TMEM132B: variants seen among roughly 807,000 people sequenced by gnomAD.
TMEM132B encodes transmembrane protein 132B.
A neutral mutation model predicts 90.8 loss-of-function variants in TMEM132B; 18 were observed. The observed-to-expected ratio is 0.20, with a 90% CI of 0.14 to 0.29. The LOEUF (loss-of-function observed/expected upper bound fraction) is 0.29. Ranked by LOEUF, TMEM132B falls within the 10% of genes least tolerant of loss-of-function variation. The pLI is 1.00. For synonymous variants in TMEM132B, 504 were observed against 523.3 expected, an observed-to-expected ratio of 0.96 and a Z score of 0.50; for missense variants, 1,096 against 1,326.8, an observed-to-expected ratio of 0.83 and a Z score of 2.70.
At chr12:125,508,576 C>A (rs1227783174) in intron 3 of TMEM132B, among the ~76,000 whole-genome samples, 1 of 152,014 alleles carries the variant, frequency 6.6e-6, no homozygotes, top group Non-Finnish European at 1.5e-5. Context: ...TGGCATGACT[C>A]CAGGACCATG....
chr12:125,427,652 C>T lies in TMEM132B; in HGVS notation c.1106+11975C>T, dbSNP rs548241431. Reference sequence around the variant, plus strand: ...GATTCCTGATTTCAGTTACATTGCTCGAGGTTACAGGATGCTGGGCCTTAA... The same window carrying T: ...GATTCCTGATTTCAGTTACATTGCTTGAGGTTACAGGATGCTGGGCCTTAA... On this transcript the variant is annotated intron_variant, in intron 3 of 8. Transcript: ENST00000682704. Among the ~76,000 whole-genome samples, 6 of 152,276 alleles carry T rather than the reference C, an allele frequency of 3.9e-5. No individual in the cohort carries two copies. The South Asian group carries it at 1.2e-3, about 32-fold the overall frequency.
chr12:125,416,435 C>T (rs544400466), intron 3 of TMEM132B, among the ~76,000 whole-genome samples: 28 of 152,370 alleles, frequency 1.8e-4, no homozygotes, highest in Admixed American at 1.6e-3. Flanking sequence ...CTCAGCTGAG[C>T]ACACGAGCCC....
intron 1 of TMEM132B, among the ~76,000 whole-genome samples, chr12:125,220,161 C>T (rs145273810): frequency 7.1e-4 from 108 of 152,312 alleles, no homozygotes; most frequent in African/African-American, 2.4e-3. Context: ...TTATTTTCTC[C>T]ACTTTTCTTA....
At position 125,650,593 on chromosome 12, in the gene TMEM132B, C is replaced by T. The variant is rs950262843; in HGVS notation, c.1644-90C>T. On this transcript the variant is annotated intron_variant, in intron 6 of 8. Transcript: ENST00000682704. ...AGGAGAAGGACCATTTCATTTCATT[C>T]TGTGGGCTCACCTAGAATCTGAAAA... 3 of 1,473,396 alleles carry T rather than the reference C, an allele frequency of 2.0e-6. No individual in the cohort carries two copies. The African/African-American group carries it at 4.2e-5, about 21-fold the overall frequency. The allele number at this position is 1,473,396 out of a possible 1,614,324, so 91.3% of individuals were successfully genotyped here.
intron 1 of TMEM132B, among the ~76,000 whole-genome samples, chr12:125,273,992 C>T (rs539630167): frequency 3.9e-5 from 6 of 152,162 alleles, no homozygotes; most frequent in Non-Finnish European, 7.4e-5. Flanking sequence ...GCCCTCTGTG[C>T]TCTTCCCCAG....
At chr12:125,574,523 C>T (rs1884887208) in intron 4 of TMEM132B, among the ~76,000 whole-genome samples, 1 of 152,076 alleles carries the variant, frequency 6.6e-6, no homozygotes, top group Non-Finnish European at 1.5e-5. Context: ...TAAGATTCAA[C>T]TGACTCTACG....
chr12:125,630,756 T>G (rs1440802509), intron 5 of TMEM132B, among the ~76,000 whole-genome samples: 1 of 151,970 alleles, frequency 6.6e-6, no homozygotes, highest in Admixed American at 6.6e-5. Context: ...CCATCCTCAA[T>G]TAGGCCCCAC....
At chr12:125,335,426 A>T (rs935423277) in intron 1 of TMEM132B, among the ~76,000 whole-genome samples, 1 of 152,144 alleles carries the variant, frequency 6.6e-6, no homozygotes, top group Non-Finnish European at 1.5e-5. Context: ...GGGGCACATG[A>T]CCCTGGCTGA....
chr12:125,621,949 G>A (rs1345160474), intron 5 of TMEM132B, among the ~76,000 whole-genome samples: 1 of 152,164 alleles, frequency 6.6e-6, no homozygotes, highest in Non-Finnish European at 1.5e-5. Context: ...TAACTTAGAT[G>A]CCAATATTGT....
intron 4 of TMEM132B, among the ~76,000 whole-genome samples, chr12:125,562,785 T>C (rs910434594): frequency 4.6e-5 from 7 of 152,188 alleles, no homozygotes; most frequent in African/African-American, 1.2e-4. Flanking sequence ...ATTTTCCCTC[T>C]TTTCCTGCTG....
chr12:125,635,608 G>A (rs1250197391), intron 5 of TMEM132B, among the ~76,000 whole-genome samples: 1 of 152,200 alleles, frequency 6.6e-6, no homozygotes, highest in Non-Finnish European at 1.5e-5. Flanking sequence ...ACACAGGTGT[G>A]CATGTGTCTT....
intron 5 of TMEM132B, among the ~76,000 whole-genome samples, chr12:125,611,393 G>T (rs750155742): frequency 1.3e-4 from 20 of 151,170 alleles, no homozygotes; most frequent in Non-Finnish European, 2.5e-4. Flanking sequence ...TTTTTTCTAT[G>T]ATATATTTCA....
At chr12:125,643,241 C>T (rs1886676073) in intron 5 of TMEM132B, among the ~76,000 whole-genome samples, 1 of 152,190 alleles carries the variant, frequency 6.6e-6, no homozygotes, top group African/African-American at 2.4e-5. Flanking sequence ...TGACACTGCC[C>T]CTCAGCAGTA....
intron 1 of TMEM132B, among the ~76,000 whole-genome samples, chr12:125,225,676 G>A (rs1302646404): frequency 6.6e-5 from 10 of 152,152 alleles, no homozygotes; most frequent in Non-Finnish European, 1.0e-4. Context: ...TCCACATGGG[G>A]ACTCAGGGTT....
chr12:125,394,994 A>G (rs1206483079), intron 2 of TMEM132B, among the ~76,000 whole-genome samples: 1 of 152,204 alleles, frequency 6.6e-6, no homozygotes, highest in Non-Finnish European at 1.5e-5. Context: ...CCATTATGCA[A>G]TGTACCCATG....
intron 2 of TMEM132B, among the ~76,000 whole-genome samples, chr12:125,356,693 C>T (rs745406622): frequency 1.9e-4 from 29 of 152,324 alleles, no homozygotes; most frequent in Non-Finnish European, 3.2e-4. Context: ...AGGCTCAGGC[C>T]GCCATGTTGC....
At chr12:125,489,805 TTTCCA>T (rs568585283) in intron 3 of TMEM132B, among the ~76,000 whole-genome samples, 69 of 152,312 alleles carry the variant, frequency 4.5e-4, no homozygotes, top group African/African-American at 1.5e-3. Flanking sequence ...TTCTGACTTA[TTTCCA>T]TTCAAAGGGA....
chr12:125,577,000 T>C (rs1477914938), intron 4 of TMEM132B, among the ~76,000 whole-genome samples: 1 of 151,512 alleles, frequency 6.6e-6, no homozygotes, highest in African/African-American at 2.4e-5. Flanking sequence ...AATACTGGCC[T>C]CATAGAATTA....
chr12:125,612,813 TTATATA>T (rs1316983147), intron 5 of TMEM132B, among the ~76,000 whole-genome samples: 4 of 112,840 alleles, frequency 3.5e-5, no homozygotes, highest in Non-Finnish European at 5.5e-5. Context: ...TTATTTTTGA[TTATATA>T]TATGTAGTGG....
Sources: gnomAD v4.1 joint callset for allele counts (sites outside exome capture counted in the v4.1 genomes callset) on GRCh38, gnomAD v4.1.1 for gene constraint, MANE v1.5 for transcripts, NCBI Gene and HGNC (gene_info 2026-07-23, HGNC 2026-07-21) for gene names.